Variants in ATF7IP observed in about 807,000 individuals in gnomAD.
The protein encoded by ATF7IP is activating transcription factor 7 interacting protein.
In ATF7IP, 23 loss-of-function variants were observed where a neutral mutation model predicts 106.4. That is an observed-to-expected ratio of 0.22 (90% CI 0.16 to 0.31). The LOEUF is 0.31. ATF7IP is among the 10% of genes least tolerant of loss of function. ATF7IP has a pLI of 1.00. For missense variants in ATF7IP, 1,334 were observed against 1,524.3 expected, an observed-to-expected ratio of 0.88 and a Z score of 2.08; for synonymous variants, 542 against 539.0, an observed-to-expected ratio of 1.01 and a Z score of -0.08.
chr12:14,414,061 C>T (rs1378977767), intron 1 of ATF7IP, among the ~76,000 whole-genome samples: 2 of 152,068 alleles, frequency 1.3e-5, no homozygotes, highest in East Asian at 1.9e-4. Context: ...TTGATTTATT[C>T]TATGGTGGTT....
At position 14,425,255 on chromosome 12, in the gene ATF7IP, A is replaced by T. The variant is rs1172805696; in HGVS notation, c.1340A>T (p.Asp447Val). ...PILEKLAPSE[D>V]ELTCFSKTSL... The stretch of plus-strand genomic sequence containing the variant: ...TTGGAAAAGCTTGCACCTTCTGAGG[A>T]TGAACTTACTTGCTTTTCTAAAACA... The change falls in exon 2 of 15, where the codon GAT becomes GTT. Residue 447 changes from aspartate to valine, a missense_variant. Transcript: ENST00000261168. 6.9e-6 allele frequency: 11 copies of T among 1,597,694 alleles called. No homozygotes were observed. Among genetic ancestry groups the T allele is most frequent in the Non-Finnish European group, 8.5e-6 (10 of 1,174,190 alleles).
intron 14 of ATF7IP, among the ~76,000 whole-genome samples, chr12:14,496,968 C>G (rs1235285194): frequency 6.6e-6 from 1 of 152,168 alleles, no homozygotes; most frequent in Admixed American, 6.5e-5. Flanking sequence ...ACCTACCTTT[C>G]CAGATTTTTC....
chr12:14,492,120 A>T (rs530071067), intron 13 of ATF7IP, among the ~76,000 whole-genome samples: 2 of 152,178 alleles, frequency 1.3e-5, no homozygotes, highest in Non-Finnish European at 2.9e-5. Context: ...AAGTATGTCG[A>T]TGCCAATTAT....
At chr12:14,377,483 G>A (rs1049591445) in intron 1 of ATF7IP, among the ~76,000 whole-genome samples, 4 of 150,842 alleles carry the variant, frequency 2.7e-5, no homozygotes, top group African/African-American at 9.8e-5. Flanking sequence ...AGCCTCCCGA[G>A]TAGCTGGGAC....
At chr12:14,467,387 T>C (rs1434534397) in intron 10 of ATF7IP, among the ~76,000 whole-genome samples, 1 of 152,188 alleles carries the variant, frequency 6.6e-6, no homozygotes, top group East Asian at 1.9e-4. Flanking sequence ...CCAACCTAGA[T>C]GTACACCATA....
chr12:14,496,267 T>G lies in ATF7IP; in HGVS notation c.3317T>G (p.Val1106Gly), dbSNP rs750799689. The G allele has an allele frequency of 6.2e-7, 1 of 1,613,962 alleles. No homozygotes were observed. Among genetic ancestry groups the G allele is most frequent in the East Asian group, 2.2e-5 (1 of 44,858 alleles). ...CGAGTGCCTCAAACAACCACATATGTTGTAAACAATGGACTAACCCTGGGA... is the reference window on the plus strand; with the variant it reads ...CGAGTGCCTCAAACAACCACATATGGTGTAAACAATGGACTAACCCTGGGA... ...TVRVPQTTTY[V>G]VNNGLTLGST... The change falls in exon 14 of 15, where the codon GTT becomes GGT. Residue 1106 changes from valine to glycine, a missense_variant. Physicochemically the swap from Val to Gly is moderately radical, Grantham distance 109. This residue lies in a region of ATF7IP where 370 missense variants were observed against 401.2 expected (regional missense o/e 0.92). Coordinates refer to ENST00000261168, the MANE Select transcript of ATF7IP (RefSeq NM_018179.5).
chr12:14,464,349 G>T (rs1943749562), intron 9 of ATF7IP, among the ~76,000 whole-genome samples: 2 of 152,064 alleles, frequency 1.3e-5, no homozygotes, highest in South Asian at 4.1e-4. Flanking sequence ...ACAAACGAGA[G>T]TTTAAACACA....
chr12:14,385,287 T>C (rs1010591447), intron 1 of ATF7IP: 201 of 1,036,770 alleles, frequency 1.9e-4, no homozygotes, highest in African/African-American at 4.9e-5. Context: ...AATTACACTT[T>C]TGTGCAACTG....
Position 14,500,973 on chromosome 12 carries a change from T to C in ATF7IP, c.*2900T>C, listed in dbSNP as rs1243667542. The stretch of plus-strand genomic sequence containing the variant: ...GAGAAGTATATTTATTATAAGATGG[T>C]GTCCTCAAATTAGCCTACCATGGCA... On this transcript the variant is annotated 3_prime_UTR_variant, in exon 15 of 15. Coordinates refer to ENST00000261168, the MANE Select transcript of ATF7IP (RefSeq NM_018179.5). The C allele has an allele frequency of 6.6e-6, 1 of 152,176 alleles. No homozygotes were observed. The highest frequency in any genetic ancestry group is 1.5e-5 in the Non-Finnish European group (1 of 68,014). The allele number at this position is 152,176 out of a possible 1,614,324, so 9.4% of individuals were successfully genotyped here. A position where few individuals can be genotyped will look rare whatever the true frequency, so the allele number is the denominator to read the frequency against.
chr12:14,405,640 CTTCTGG>C, intron 1 of ATF7IP, among the ~76,000 whole-genome samples: 1 of 152,084 alleles, frequency 6.6e-6, no homozygotes, highest in Non-Finnish European at 1.5e-5. Context: ...TCATCTTGAA[CTTCTGG>C]TGCCTCAAGC....
rs934525330 is a variant in ATF7IP, at chr12:14,436,142, A to C, written c.1682A>C (p.Asp561Ala). ...FSRRKRSKSE[D>A]MDNVQSKRRR... is the part of the protein sequence containing the mutation. ...AGACGAAAACGTTCTAAATCAGAAG[A>C]CATGGACAATGTACAGTCTAAACGT... Residue 561 changes from aspartate (D) to alanine (A), a missense_variant, in exon 4 of 15, where the codon GAC becomes GCC. Around this residue, in one of 10 missense-constraint regions of ATF7IP, gnomAD observed 119 missense variants for 117.8 expected, o/e 1.01. Coordinates refer to ENST00000261168, the MANE Select transcript of ATF7IP (RefSeq NM_018179.5). 12 of 1,613,378 alleles carry C rather than the reference A, an allele frequency of 7.4e-6. No individual in the cohort carries two copies. Among genetic ancestry groups the C allele is most frequent in the Non-Finnish European group, 1.0e-5 (12 of 1,179,734 alleles).
intron 1 of ATF7IP, among the ~76,000 whole-genome samples, chr12:14,397,662 A>G (rs1939924907): frequency 6.6e-6 from 1 of 152,160 alleles, no homozygotes; most frequent in African/African-American, 2.4e-5. Flanking sequence ...CTTTTACATG[A>G]CAAATATGTA....
intron 5 of ATF7IP, among the ~76,000 whole-genome samples, chr12:14,441,226 C>T (rs1018876187): frequency 6.6e-6 from 1 of 152,282 alleles, no homozygotes; most frequent in Non-Finnish European, 1.5e-5. Context: ...TCTCCACATC[C>T]TCACCAATAC....
intron 10 of ATF7IP, among the ~76,000 whole-genome samples, chr12:14,475,410 G>T (rs892400895): frequency 1.3e-5 from 2 of 152,120 alleles, no homozygotes; most frequent in Non-Finnish European, 2.9e-5. Context: ...TTACTGGTCA[G>T]CTTGGATGTG....
At chr12:14,472,010 C>T (rs1323018056) in intron 10 of ATF7IP, among the ~76,000 whole-genome samples, 1 of 152,090 alleles carries the variant, frequency 6.6e-6, no homozygotes, top group Non-Finnish European at 1.5e-5. Flanking sequence ...ACCAATATTC[C>T]ATGTATATTG....
chr12:14,397,656 T>C, intron 1 of ATF7IP, among the ~76,000 whole-genome samples: 1 of 152,216 alleles, frequency 6.6e-6, no homozygotes, highest in Non-Finnish European at 1.5e-5. Context: ...GTATCTCTTT[T>C]ACATGACAAA....
chr12:14,436,131 T>C lies in ATF7IP; in HGVS notation c.1671T>C (p.Ser557=). 6.2e-7 allele frequency: 1 copy of C among 1,613,068 alleles called. No homozygotes were observed. Among genetic ancestry groups the C allele is most frequent in the Non-Finnish European group, 8.5e-7 (1 of 1,179,582 alleles). Residue 557 remains serine, a synonymous_variant, in exon 4 of 15, where the codon TCT becomes TCC. Transcript: ENST00000261168. The part of the protein sequence containing the change: ...EKNEFSRRKR[S]KSEDMDNVQS... ...ATGAATTTTCTAGACGAAAACGTTC[T>C]AAATCAGAAGACATGGACAATGTAC...
At chr12:14,476,178 G>A in intron 11 of ATF7IP, 1 of 440,898 alleles carries the variant, frequency 2.3e-6, no homozygotes, top group Middle Eastern at 6.2e-4. Flanking sequence ...GGAGGCCAAG[G>A]CAGGAGGATC....
chr12:14,468,210 G>C (rs1293657696), intron 10 of ATF7IP, among the ~76,000 whole-genome samples: 2 of 150,058 alleles, frequency 1.3e-5, no homozygotes, highest in Non-Finnish European at 3.0e-5. Context: ...GGAGGTTGCA[G>C]TGAGCTGAGA....
Sources: allele counts gnomAD v4.1 joint callset (sites outside exome capture counted in the v4.1 genomes callset), GRCh38; gene constraint gnomAD v4.1.1; regional missense constraint gnomAD v4.1.1; transcripts MANE v1.5; gene names NCBI Gene and HGNC (gene_info 2026-07-23, HGNC 2026-07-21).